Variants in LRIG3 observed in about 807,000 individuals in gnomAD.
LRIG3 encodes leucine-rich repeats and immunoglobulin-like domains protein 3.
Under a neutral mutation model 114.5 loss-of-function variants are expected in LRIG3, and 76 were observed. The ratio of observed to expected loss-of-function variants is 0.66; its 90% confidence interval spans 0.55 to 0.80. The LOEUF (loss-of-function observed/expected upper bound fraction) is 0.80, where lower values mean the gene tolerates loss of function less well. LRIG3 is among the 30% of genes least tolerant of loss of function. The pLI, the probability that LRIG3 is intolerant of heterozygous loss-of-function variation, is 0.00. For missense variants in LRIG3, 1,239 were observed against 1,382.8 expected, an observed-to-expected ratio of 0.90 and a Z score of 1.65; for synonymous variants, 512 against 519.8, an observed-to-expected ratio of 0.98 and a Z score of 0.20.
At chr12:58,895,283 C>T (rs560883258) in intron 3 of LRIG3, among the ~76,000 whole-genome samples, 1 of 152,136 alleles carries the variant, frequency 6.6e-6, no homozygotes, top group Admixed American at 6.5e-5. Context: ...AGTGCAGCGA[C>T]AGGAAAGGAG....
chr12:58,881,420 CAAAAA>C (rs376145825), intron 12 of LRIG3, among the ~76,000 whole-genome samples: 5 of 65,108 alleles, frequency 7.7e-5, no homozygotes, highest in Admixed American at 1.5e-4. Context: ...TAGGTAGAGG[CAAAAA>C]AAAAAAAAAA....
At position 58,890,037 on chromosome 12, in the gene LRIG3, A is replaced by G. The variant is rs200418411; in HGVS notation, c.618T>C (p.Ala206=). ...GCAGTTTAAACATCTTGGGTGGGAT[A>G]GCTGAGATTCGGTTCCTGTTCAGCT... ...VLKLNRNRIS[A]IPPKMFKLPQ... is the part of the protein sequence containing the mutation. The change falls in exon 5 of 19, where the codon GCT becomes GCC. Residue 206 remains alanine (A), a synonymous_variant. Transcript: ENST00000320743. 34 of 1,613,878 alleles carry G rather than the reference A, an allele frequency of 2.1e-5. No individual in the cohort carries two copies. In the Middle Eastern group the frequency reaches 9.9e-4, roughly 47 times the overall value.
At position 58,885,876 on chromosome 12, in the gene LRIG3, G is replaced by T; in HGVS notation, c.1199C>A (p.Ser400Tyr). The part of the protein sequence containing the change: ...RLILQGNRIR[S>Y]ITKKAFTGLD... Reference sequence around the variant, plus strand: ...ACCAGTGAAGGCTTTTTTAGTAATAGAACGGATCCGATTTCCTTGGAGTAT... The same window carrying T: ...ACCAGTGAAGGCTTTTTTAGTAATATAACGGATCCGATTTCCTTGGAGTAT... Residue 400 changes from serine (S) to tyrosine (Y), a missense_variant, in exon 10 of 19, where the codon TCT becomes TAT. Physicochemically the swap from Ser to Tyr is moderately radical, Grantham distance 144 (BLOSUM62 -2). Transcript: ENST00000320743. 1 of 1,588,968 alleles carries T rather than the reference G, an allele frequency of 6.3e-7. No homozygotes were observed.
intron 10 of LRIG3, among the ~76,000 whole-genome samples, chr12:58,884,319 C>T (rs888458155): frequency 2.0e-5 from 3 of 152,140 alleles, no homozygotes; most frequent in Non-Finnish European, 2.9e-5. Context: ...AAAGTATTCA[C>T]CACAATGATT....
intron 3 of LRIG3, among the ~76,000 whole-genome samples, chr12:58,908,163 A>C (rs943887600): frequency 6.6e-6 from 1 of 152,194 alleles, no homozygotes; most frequent in African/African-American, 2.4e-5. Context: ...ATCTCGCGGC[A>C]TTAGGTTCCA....
Position 58,888,793 on chromosome 12 carries a change from T to C in LRIG3, c.803+26A>G, listed in dbSNP as rs146062805. 368 of 1,611,588 alleles carry C rather than the reference T, an allele frequency of 2.3e-4. No homozygotes were observed. The African/African-American group carries it at 4.1e-3, about 18-fold the overall frequency. ...GCATTCTATGATCATACTACCTCAG[T>C]AGGAACTGTGATAACCCACACTTAC... On this transcript the variant is annotated intron_variant, in intron 6 of 18. Coordinates refer to ENST00000320743, the MANE Select transcript of LRIG3 (RefSeq NM_153377.5).
intron 3 of LRIG3, among the ~76,000 whole-genome samples, chr12:58,905,506 T>C (rs1377437717): frequency 6.6e-6 from 1 of 152,232 alleles, no homozygotes; most frequent in Non-Finnish European, 1.5e-5. Context: ...CTGGTTTGTA[T>C]GTACTGGTGA....
At chr12:58,879,859 G>A (rs879797720) in intron 13 of LRIG3, among the ~76,000 whole-genome samples, 55 of 152,232 alleles carry the variant, frequency 3.6e-4, no homozygotes, top group Admixed American at 4.6e-4. Context: ...TGGAACTGGA[G>A]GCGGAGAAGT....
chr12:58,874,127 GAC>G lies in LRIG3; in HGVS notation c.3041_3042del (p.Cys1014SerfsTer9). On this transcript the variant is annotated frameshift_variant, in exon 18 of 19. Transcript: ENST00000320743. LOFTEE classifies it high-confidence loss of function. The stretch of plus-strand genomic sequence containing the variant: ...CTAAAATCTAAAGAGGACTTGTTTA[GAC>G]ACAGATTTTTCATTCCAGGTCCTTC... ...HNEGPGMKNLCLNKSSLDFSA... is the reference protein window; with the variant it reads ...HNEGPGMKNLXLNKSSLDFSA... 1.9e-6 allele frequency: 3 copies of G among 1,614,182 alleles called. No homozygotes were observed. The highest frequency in any genetic ancestry group is 1.1e-5 in the South Asian group (1 of 91,086).
chr12:58,911,865 T>A (rs964825444), intron 3 of LRIG3, among the ~76,000 whole-genome samples: 1 of 152,128 alleles, frequency 6.6e-6, no homozygotes. Flanking sequence ...GAGAGGTAAA[T>A]TTTTCAAGAT....
intron 3 of LRIG3, among the ~76,000 whole-genome samples, chr12:58,891,505 A>G (rs768865186): frequency 6.6e-6 from 1 of 152,188 alleles, no homozygotes; most frequent in African/African-American, 2.4e-5. Flanking sequence ...TTAATTCCCT[A>G]TTCCTTCTTC....
intron 12 of LRIG3, 88 bp downstream of exon 12, chr12:58,882,781 C>A: frequency 7.2e-7 from 1 of 1,385,372 alleles, no homozygotes; most frequent in Non-Finnish European, 9.7e-7. Context: ...ATAAAGAGAT[C>A]ATAAATCTAT....
intron 2 of LRIG3, 43 bp from the exon 3 acceptor site, chr12:58,914,099 G>A (rs752268217): frequency 6.4e-7 from 1 of 1,573,954 alleles, no homozygotes; most frequent in South Asian, 1.2e-5. Context: ...AGCTGATTAG[G>A]TAATCTGTAA....
In LRIG3 at chr12:58,877,594, C is replaced by T. The variant is rs140980524; in HGVS notation, c.2342G>A (p.Arg781His). The change falls in exon 15 of 19, where the codon CGC (arginine) becomes CAC (histidine). Residue 781 changes from arginine (R) to histidine (H), a missense_variant. Coordinates refer to ENST00000320743, the MANE Select transcript of LRIG3 (RefSeq NM_153377.5). ...GGTTGGAGTGGGGATCACACTGAGG[C>T]GCACGTTTCCTCTCTCAGTGCCAAG... ...NTLGTERGNV[R>H]LSVIPTPTCD... 1.2e-4 allele frequency: 191 copies of T among 1,614,190 alleles called. 1 individual carries two copies. The highest frequency in any genetic ancestry group is 6.6e-4 in the Middle Eastern group (4 of 6,062).
intron 13 of LRIG3, among the ~76,000 whole-genome samples, chr12:58,880,072 A>G (rs1437636847): frequency 6.6e-6 from 1 of 152,190 alleles, no homozygotes; most frequent in Non-Finnish European, 1.5e-5. Flanking sequence ...CAAGGTGGGC[A>G]GATCACAAGG....
chr12:58,877,272 G>A lies in LRIG3; in HGVS notation c.2536+128C>T, dbSNP rs1026808552. 5.6e-6 allele frequency: 5 copies of A among 900,308 alleles called. No homozygotes were observed. In the African/African-American group the frequency reaches 8.4e-5, roughly 15 times the overall value. 55.8% of individuals were successfully genotyped at this position (900,308 alleles called of 1,614,324 possible). On this transcript the variant is annotated intron_variant, in intron 15 of 18. Transcript: ENST00000320743. Reference sequence around the variant, plus strand: ...GAGTTTTTTAGCGAATCATATTTCTGCAGCTTGAAACAAATGAGTCACCCT... The same window carrying A: ...GAGTTTTTTAGCGAATCATATTTCTACAGCTTGAAACAAATGAGTCACCCT...
chr12:58,889,903 A>G (rs1433543056), intron 5 of LRIG3, 93 bp downstream of exon 5: 1 of 1,472,066 alleles, frequency 6.8e-7, no homozygotes, highest in Non-Finnish European at 9.2e-7. Flanking sequence ...CCTTGCTCCT[A>G]AACTCCTTTT....
Position 58,874,044 on chromosome 12 carries a change from A to G in LRIG3, c.3115+11T>C. The G allele has an allele frequency of 2.5e-6, 4 of 1,614,006 alleles. No individual in the cohort carries two copies. The highest frequency in any genetic ancestry group is 3.4e-6 in the Non-Finnish European group (4 of 1,179,924). ...CCTCAGACGAGGTACCTGATAACTTAATAAACTTACCCATGAAAGAATTAC... is the reference window on the plus strand; with the variant it reads ...CCTCAGACGAGGTACCTGATAACTTGATAAACTTACCCATGAAAGAATTAC... On this transcript the variant is annotated intron_variant, in intron 18 of 18. Transcript: ENST00000320743.
chr12:58,917,884 C>T (rs1592314564), intron 1 of LRIG3, among the ~76,000 whole-genome samples: 1 of 152,272 alleles, frequency 6.6e-6, no homozygotes, highest in African/African-American at 2.4e-5. Flanking sequence ...TTACGAAAAA[C>T]TTTAGTAGCT....
Sources: allele counts gnomAD v4.1 joint callset (sites outside exome capture counted in the v4.1 genomes callset), GRCh38; gene constraint gnomAD v4.1.1; transcripts MANE v1.5; gene names NCBI Gene and HGNC (gene_info 2026-07-23, HGNC 2026-07-21).